DMD: variants seen among roughly 807,000 people sequenced by gnomAD.
DMD encodes dystrophin.
A neutral mutation model predicts 330.1 loss-of-function variants in DMD; 63 were observed. That is an observed-to-expected ratio of 0.19 (90% CI 0.16 to 0.24). The LOEUF (loss-of-function observed/expected upper bound fraction) is 0.24, where lower values mean the gene tolerates loss of function less well. Among genes scored for constraint, DMD ranks in the 10% least tolerant of loss-of-function variants. DMD has a pLI of 1.00. For missense variants in DMD, 3,344 were observed against 2,684.1 expected (o/e 1.25, Z -5.43); for synonymous variants, 1,223 against 959.8 (o/e 1.27, Z -5.07).
intron 44 of DMD, among the ~76,000 whole-genome samples, chrX:32,142,749 C>T (rs1318292418): frequency 8.9e-6 from 1 of 112,231 alleles, no homozygotes; most frequent in African/African-American, 3.2e-5. Flanking sequence ...AAAGTAAAAG[C>T]TCTGTGCATG....
intron 11 of DMD, among the ~76,000 whole-genome samples, chrX:32,639,729 T>G (rs1312488906): frequency 8.9e-6 from 1 of 112,111 alleles, no homozygotes; most frequent in Non-Finnish European, 1.9e-5. Flanking sequence ...TTATCTTTCC[T>G]GACATTCCTT....
At chrX:32,315,884 ACT>A (rs1272393896) in intron 41 of DMD, among the ~76,000 whole-genome samples, 5 of 111,670 alleles carry the variant, frequency 4.5e-5, no homozygotes, top group African/African-American at 9.7e-5. Context: ...TCATCCTTTT[ACT>A]CTCTGTACAA....
At chrX:32,463,291 G>GA (rs1256117297) in intron 25 of DMD, 148 bp downstream of exon 25, 54 of 433,010 alleles carry the variant, frequency 1.2e-4, no homozygotes, top group Non-Finnish European at 1.9e-4. Context: ...AGATATGCTA[G>GA]AAAAAAGATT....
At chrX:31,885,895 CAGTT>C (rs1031379505) in intron 47 of DMD, among the ~76,000 whole-genome samples, 1 of 110,544 alleles carries the variant, frequency 9.0e-6, no homozygotes, top group Non-Finnish European at 1.9e-5. Flanking sequence ...ACTAGAAGAA[CAGTT>C]AGAATGCTTA....
At chrX:32,115,690 C>A (rs1451602244) in intron 44 of DMD, among the ~76,000 whole-genome samples, 1 of 111,760 alleles carries the variant, frequency 8.9e-6, no homozygotes, top group African/African-American at 3.3e-5. Context: ...TGTACCCTAA[C>A]TTTTTCCTCC....
rs146210811 is a variant in DMD at position 31,738,434 on chromosome X, A to C, written c.7543-8686T>G. Among the ~76,000 whole-genome samples the C allele has an allele frequency of 1.4e-3, 152 of 112,373 alleles. 2 individuals are homozygous for C. The Middle Eastern group carries it at 0.027, about 20-fold the overall frequency. On this transcript the variant is annotated intron_variant, in intron 51 of 78. Transcript: ENST00000357033. ...AAAAGACAGGCAATAACCAATGTTGACAAGTATGTGAAGAAAAAGGAACCC... is the reference window on the plus strand; with the variant it reads ...AAAAGACAGGCAATAACCAATGTTGCCAAGTATGTGAAGAAAAAGGAACCC...
intron 47 of DMD, among the ~76,000 whole-genome samples, chrX:31,919,437 T>G (rs2094657141): frequency 8.9e-6 from 1 of 112,356 alleles, no homozygotes; most frequent in African/African-American, 3.2e-5. Flanking sequence ...GCATCAGTCA[T>G]CAGTCACAGG....
intron 60 of DMD, among the ~76,000 whole-genome samples, chrX:31,394,931 A>G (rs2060845843): frequency 1.2e-5 from 1 of 86,093 alleles, no homozygotes; most frequent in Non-Finnish European, 2.3e-5. Context: ...TGAGAGAGAG[A>G]GAAGGGTGAG....
At chrX:32,814,147 A>G (rs113187947) in intron 6 of DMD, among the ~76,000 whole-genome samples, 4,111 of 111,696 alleles carry the variant, frequency 0.037, 177 homozygotes, top group African/African-American at 0.12. Context: ...TCTAGTGTTC[A>G]TTTGCTTCTA....
intron 50 of DMD, among the ~76,000 whole-genome samples, chrX:31,785,699 T>G (rs372805529): frequency 2.7e-5 from 3 of 109,124 alleles, no homozygotes; most frequent in East Asian, 5.8e-4. Context: ...GAACATGCGG[T>G]GTTTGGTTTT....
intron 44 of DMD, among the ~76,000 whole-genome samples, chrX:31,980,850 T>G (rs2150254002): frequency 8.9e-6 from 1 of 111,934 alleles, no homozygotes; most frequent in African/African-American, 3.2e-5. Context: ...TATATAAAAT[T>G]TTACCTCAAT....
chrX:32,445,743 T>C (rs193094303), intron 27 of DMD, among the ~76,000 whole-genome samples: 23 of 110,745 alleles, frequency 2.1e-4, no homozygotes, highest in Non-Finnish European at 2.9e-4. Context: ...TCTGTTTAAG[T>C]TGTTTAAAGG....
rs189593633 is a variant in DMD, at chrX:32,835,733, A to G, written c.264+9050T>C. Among the ~76,000 whole-genome samples the G allele has an allele frequency of 4.5e-5, 5 of 111,839 alleles. 1 individual carries two copies. The highest frequency in any genetic ancestry group is 1.6e-4 in the African/African-American group (5 of 30,805). On this transcript the variant is annotated intron_variant, in intron 4 of 78. Coordinates refer to ENST00000357033, the MANE Select transcript of DMD (RefSeq NM_004006.3). ...TAAACTGAGGAGCTAGTTTAGAACT[A>G]CAGAATATGCTAGAACTAGTGATTT...
chrX:32,418,450 T>C (rs777989905), intron 29 of DMD, among the ~76,000 whole-genome samples: 5 of 111,631 alleles, frequency 4.5e-5, no homozygotes, highest in Admixed American at 9.5e-5. Flanking sequence ...GATATGTTGA[T>C]GCTTTTGTCT....
intron 58 of DMD, 103 bp from the exon 59 acceptor site, chrX:31,478,477 G>A (rs2067994445): frequency 3.7e-6 from 4 of 1,067,757 alleles, no homozygotes; most frequent in African/African-American, 1.8e-5. Context: ...GAACAAGAGG[G>A]TAACCTACTG....
intron 1 of DMD, among the ~76,000 whole-genome samples, chrX:33,092,869 T>C (rs1326304973): frequency 1.8e-5 from 2 of 110,416 alleles, no homozygotes; most frequent in Non-Finnish European, 3.8e-5. Flanking sequence ...TATTTATTTA[T>C]TTTATTTTAT....
At chrX:32,710,860 C>A (rs893357989) in intron 7 of DMD, among the ~76,000 whole-genome samples, 4 of 110,644 alleles carry the variant, frequency 3.6e-5, no homozygotes, top group African/African-American at 1.3e-4. Context: ...GGGTAGGATT[C>A]TACCAAATAA....
At chrX:33,045,620 AG>A (rs917938675) in intron 1 of DMD, among the ~76,000 whole-genome samples, 1 of 110,290 alleles carries the variant, frequency 9.1e-6, no homozygotes, top group African/African-American at 3.3e-5. Flanking sequence ...GTTACAGATA[AG>A]TGAGAGCTAG....
intron 44 of DMD, among the ~76,000 whole-genome samples, chrX:32,054,673 G>A (rs773130300): frequency 9.2e-6 from 1 of 108,866 alleles, no homozygotes; most frequent in South Asian, 4.0e-4. Context: ...GCACCATACA[G>A]GACATTGCTG....
Sources: allele counts gnomAD v4.1 joint callset (sites outside exome capture counted in the v4.1 genomes callset), GRCh38; gene constraint gnomAD v4.1.1; transcripts MANE v1.5; gene names NCBI Gene and HGNC (gene_info 2026-07-23, HGNC 2026-07-21).